HS3ST5: variants seen among roughly 807,000 people sequenced by gnomAD.
HS3ST5 encodes the protein heparan sulfate-glucosamine 3-sulfotransferase 5, also known as heparan sulfate glucosamine 3-O-sulfotransferase 5.
HS3ST5 carries 10 observed loss-of-function variants against 25.4 expected under a neutral mutation model. The observed-to-expected ratio is 0.39, with a 90% CI of 0.24 to 0.67. The LOEUF (loss-of-function observed/expected upper bound fraction) is 0.67, where lower values mean the gene tolerates loss of function less well. Ranked by LOEUF, HS3ST5 falls within the 30% of genes least tolerant of loss-of-function variation. The pLI is 0.44. For synonymous variants in HS3ST5, 170 were observed against 162.4 expected (o/e 1.05, Z -0.36); for missense variants, 324 against 420.7 (o/e 0.77, Z 2.01).
intron 1 of HS3ST5, among the ~76,000 whole-genome samples, chr6:114,301,008 G>A (rs1444419174): frequency 6.6e-6 from 1 of 152,152 alleles, no homozygotes. Flanking sequence ...TTGGAGTGGG[G>A]GAGTCTGAAA....
intron 2 of HS3ST5, among the ~76,000 whole-genome samples, chr6:114,226,467 A>G (rs1019094252): frequency 1.3e-5 from 2 of 151,938 alleles, no homozygotes; most frequent in African/African-American, 2.4e-5. Flanking sequence ...CATTATTGAA[A>G]AACACCCACT....
intron 2 of HS3ST5, among the ~76,000 whole-genome samples, chr6:114,197,108 T>A (rs570057071): frequency 6.7e-6 from 1 of 148,940 alleles, no homozygotes; most frequent in Non-Finnish European, 1.5e-5. Flanking sequence ...CATGGAACAG[T>A]GTTTTTTCTT....
chr6:114,324,493 T>TA lies in HS3ST5; in HGVS notation c.-339+17701dup, dbSNP rs1180770367. 6.6e-5 allele frequency among the ~76,000 whole-genome samples: 10 copies of TA among 152,320 alleles called. No individual in the cohort carries two copies. In the South Asian group the frequency reaches 1.7e-3, roughly 25 times the overall value. On this transcript the variant is annotated intron_variant, in intron 1 of 4. Coordinates refer to ENST00000312719, the MANE Select transcript of HS3ST5 (RefSeq NM_153612.4). ...GCTTGATGACTCTGACTCTCAGTTT[T>TA]AAAAAATGAATGACCTTCTCCCCGA...
At chr6:114,069,241 G>T (rs930484002) in intron 3 of HS3ST5, among the ~76,000 whole-genome samples, 12 of 152,090 alleles carry the variant, frequency 7.9e-5, no homozygotes, top group African/African-American at 2.4e-4. Flanking sequence ...TTTATCCTGG[G>T]CAACAGCCTT....
At chr6:114,199,292 C>T (rs1780905395) in intron 2 of HS3ST5, among the ~76,000 whole-genome samples, 1 of 152,060 alleles carries the variant, frequency 6.6e-6, no homozygotes, top group African/African-American at 2.4e-5. Context: ...GATGCCAGCA[C>T]AGGATAATGT....
intron 3 of HS3ST5, among the ~76,000 whole-genome samples, chr6:114,075,627 C>G (rs978818305): frequency 3.3e-5 from 5 of 152,114 alleles, no homozygotes; most frequent in African/African-American, 4.8e-5. Context: ...GCCCTGGGCC[C>G]CATAAATTAT....
chr6:114,095,612 A>C (rs1562194910), intron 3 of HS3ST5, among the ~76,000 whole-genome samples: 1 of 152,126 alleles, frequency 6.6e-6, no homozygotes, highest in Non-Finnish European at 1.5e-5. Context: ...TCAGTAGCCC[A>C]AAAATGACCT....
intron 3 of HS3ST5, among the ~76,000 whole-genome samples, chr6:114,124,065 G>A (rs1281305545): frequency 6.6e-6 from 1 of 152,070 alleles, no homozygotes; most frequent in Non-Finnish European, 1.5e-5. Context: ...TTGCCATAAA[G>A]ATCTTCCTCC....
chr6:114,239,891 C>G (rs1019672377), intron 1 of HS3ST5, among the ~76,000 whole-genome samples: 5 of 152,102 alleles, frequency 3.3e-5, no homozygotes, highest in Non-Finnish European at 7.4e-5. Flanking sequence ...TATAGCATAA[C>G]TTCCTTGTTC....
intron 1 of HS3ST5, among the ~76,000 whole-genome samples, chr6:114,231,715 G>T (rs1335708244): frequency 6.7e-6 from 1 of 149,460 alleles, no homozygotes; most frequent in Non-Finnish European, 1.5e-5. Flanking sequence ...AACCTTATTA[G>T]GTCAATTGGT....
At chr6:114,095,438 A>G (rs1183115878) in intron 3 of HS3ST5, among the ~76,000 whole-genome samples, 1 of 152,204 alleles carries the variant, frequency 6.6e-6, no homozygotes, top group African/African-American at 2.4e-5. Flanking sequence ...GCTGATGGCT[A>G]CAAGATGCTC....
intron 2 of HS3ST5, among the ~76,000 whole-genome samples, chr6:114,208,670 C>A (rs762827694): frequency 1.3e-5 from 2 of 152,114 alleles, no homozygotes; most frequent in East Asian, 3.9e-4. Flanking sequence ...GCTATAGATA[C>A]GTTTGTTGGT....
chr6:114,340,710 A>G (rs557523529), intron 1 of HS3ST5: 16 of 152,354 alleles, frequency 1.1e-4, no homozygotes, highest in African/African-American at 3.4e-4. Context: ...AACATAATTG[A>G]TAGCAATAAA....
intron 1 of HS3ST5, among the ~76,000 whole-genome samples, chr6:114,252,960 T>C (rs1772732787): frequency 6.6e-6 from 1 of 152,110 alleles, no homozygotes; most frequent in African/African-American, 2.4e-5. Flanking sequence ...ACTTTGGGAA[T>C]TGCTTGAGCC....
At chr6:114,150,727 G>A (rs1582656108) in intron 3 of HS3ST5, among the ~76,000 whole-genome samples, 1 of 152,162 alleles carries the variant, frequency 6.6e-6, no homozygotes, top group African/African-American at 2.4e-5. Flanking sequence ...CCTGAGTGTA[G>A]GAGATGTATT....
intron 1 of HS3ST5, among the ~76,000 whole-genome samples, chr6:114,295,532 A>G (rs1364637915): frequency 3.3e-5 from 5 of 152,356 alleles, no homozygotes; most frequent in African/African-American, 7.2e-5. Flanking sequence ...AAAGCTATAT[A>G]TAAGAAACTG....
intron 1 of HS3ST5, among the ~76,000 whole-genome samples, chr6:114,287,696 T>C (rs1774398315): frequency 6.6e-6 from 1 of 152,008 alleles, no homozygotes; most frequent in South Asian, 2.1e-4. Flanking sequence ...ACACTCTCTA[T>C]TTTCTGACAT....
chr6:114,094,742 G>A (rs1775329236), intron 3 of HS3ST5, among the ~76,000 whole-genome samples: 1 of 152,140 alleles, frequency 6.6e-6, no homozygotes, highest in African/African-American at 2.4e-5. Context: ...TGATATTCAT[G>A]CTTTTGTATA....
intron 2 of HS3ST5, among the ~76,000 whole-genome samples, chr6:114,198,905 T>C (rs1200560332): frequency 1.3e-5 from 2 of 152,094 alleles, no homozygotes; most frequent in Non-Finnish European, 2.9e-5. Context: ...TATTCCCAGG[T>C]GTAGCTACCT....
Sources: gnomAD v4.1 joint callset for allele counts (sites outside exome capture counted in the v4.1 genomes callset) on GRCh38, gnomAD v4.1.1 for gene constraint, MANE v1.5 for transcripts, NCBI Gene and HGNC (gene_info 2026-07-23, HGNC 2026-07-21) for gene names.